The following ERP44 variants were observed in gnomAD, a reference collection of about 807,000 sequenced individuals.
ERP44 encodes endoplasmic reticulum resident protein 44.
In ERP44, 25 loss-of-function variants were observed where a neutral mutation model predicts 53.4. The observed-to-expected ratio is 0.47, with a 90% CI of 0.34 to 0.65. The LOEUF (loss-of-function observed/expected upper bound fraction) is 0.65. Ranked by LOEUF, ERP44 falls within the 30% of genes least tolerant of loss-of-function variation. The probability of loss-of-function intolerance (pLI) is 0.01; values close to 1 mark genes in which losing one functional copy is unlikely to be tolerated. For synonymous variants in ERP44, 145 were observed against 161.2 expected, an observed-to-expected ratio of 0.90 and a Z score of 0.76; for missense variants, 338 against 493.2, an observed-to-expected ratio of 0.69 and a Z score of 2.98.
At chr9:100,082,108 CA>C (rs1826433685) in intron 1 of ERP44, among the ~76,000 whole-genome samples, 1 of 151,632 alleles carries the variant, frequency 6.6e-6, no homozygotes, top group Admixed American at 6.6e-5. Context: ...TGTAAAAAAG[CA>C]AAAAAACTTT....
At chr9:100,021,924 C>T (rs1273480132) in intron 5 of ERP44, 118 bp downstream of exon 5, 22 of 862,124 alleles carry the variant, frequency 2.6e-5, no homozygotes, top group Admixed American at 2.4e-4. Context: ...ATTAAGTATA[C>T]GTATGTCAAA....
rs1830153959 is a variant in ERP44, at chr9:99,982,095, A to G, written c.*517T>C. 1 of 152,648 alleles carries G rather than the reference A, an allele frequency of 6.6e-6. No homozygotes were observed. The highest frequency in any genetic ancestry group is 2.4e-5 in the African/African-American group (1 of 41,456). The allele number at this position is 152,648 out of a possible 1,614,324, so 9.5% of individuals were successfully genotyped here. The stretch of plus-strand genomic sequence containing the variant: ...GAATCCAAAAAAATACCACTATGGA[A>G]TTTTCATAAGCAATATCCAACCAAT... On this transcript the variant is annotated 3_prime_UTR_variant, in exon 12 of 12. Coordinates refer to ENST00000262455, the MANE Select transcript of ERP44 (RefSeq NM_015051.3).
At chr9:100,023,640 TC>T (rs1830620495) in intron 4 of ERP44, among the ~76,000 whole-genome samples, 1 of 151,706 alleles carries the variant, frequency 6.6e-6, no homozygotes, top group African/African-American at 2.4e-5. Context: ...AGAGATGAGG[TC>T]TCACTATGTT....
At chr9:100,010,257 T>A (rs533438319) in intron 8 of ERP44, among the ~76,000 whole-genome samples, 90 of 152,308 alleles carry the variant, frequency 5.9e-4, no homozygotes, top group African/African-American at 2.0e-3. Flanking sequence ...AGGAGAAGAA[T>A]ATCAAGACAA....
At chr9:100,082,734 G>T (rs148002360) in intron 1 of ERP44, among the ~76,000 whole-genome samples, 3 of 139,104 alleles carry the variant, frequency 2.2e-5, no homozygotes, top group Admixed American at 7.6e-5. Context: ...AAACTTGCCA[G>T]ATATGGAGGG....
chr9:100,059,988 G>A lies in ERP44; in HGVS notation c.130+112C>T, dbSNP rs569217543. The A allele has an allele frequency of 1.6e-4, 139 of 877,820 alleles. No homozygotes were observed. The African/African-American group carries it at 2.2e-3, about 14-fold the overall frequency. 54.4% of individuals were successfully genotyped at this position (877,820 alleles called of 1,614,324 possible). On this transcript the variant is annotated intron_variant, in intron 2 of 11. Transcript: ENST00000262455. Reference sequence around the variant, plus strand: ...AGTCATGGAATTAATCAGAATGCCAGCTCTTCATCTGTGCTAGCTAACTGA... The same window carrying A: ...AGTCATGGAATTAATCAGAATGCCAACTCTTCATCTGTGCTAGCTAACTGA...
At position 100,088,963 on chromosome 9, in the gene ERP44, T is replaced by C. The variant is rs150248060; in HGVS notation, c.57+9821A>G. On this transcript the variant is annotated intron_variant, in intron 1 of 11. Coordinates refer to ENST00000262455, the MANE Select transcript of ERP44 (RefSeq NM_015051.3). ...TTTCTGAAACAAATAAGATACATGC[T>C]TTAAAAATGTAGCACAGTCTTTACA... Among the ~76,000 whole-genome samples, 97 of 152,330 alleles carry C rather than the reference T, an allele frequency of 6.4e-4. 2 individuals are homozygous for C. In the East Asian group the frequency reaches 0.017, roughly 27 times the overall value.
Position 100,041,451 on chromosome 9 carries a change from C to T in ERP44, c.286+10966G>A, listed in dbSNP as rs549654867. On this transcript the variant is annotated intron_variant, in intron 4 of 11. Transcript: ENST00000262455. The stretch of plus-strand genomic sequence containing the variant: ...TTGGGAGGCTGAGGCTGGTGGATCA[C>T]GAGATCAAGAGATCGAGACCATCCT... Among the ~76,000 whole-genome samples, 5 of 152,188 alleles carry T rather than the reference C, an allele frequency of 3.3e-5. No individual in the cohort carries two copies. The South Asian group carries it at 8.3e-4, about 25-fold the overall frequency.
intron 4 of ERP44, among the ~76,000 whole-genome samples, chr9:100,037,215 A>G (rs1005224071): frequency 6.6e-6 from 1 of 152,204 alleles, no homozygotes; most frequent in Non-Finnish European, 1.5e-5. Flanking sequence ...CCTTGAACTC[A>G]GGGCTTCCCT....
intron 1 of ERP44, among the ~76,000 whole-genome samples, chr9:100,097,625 T>C (rs995969568): frequency 6.6e-6 from 1 of 152,254 alleles, no homozygotes; most frequent in Non-Finnish European, 1.5e-5. Flanking sequence ...ACAATGTTTA[T>C]ACACAACTTT....
chr9:100,056,070 G>T (rs1310367014), intron 3 of ERP44, among the ~76,000 whole-genome samples: 1 of 152,168 alleles, frequency 6.6e-6, no homozygotes, highest in Non-Finnish European at 1.5e-5. Flanking sequence ...TTTTTCAAAA[G>T]ATCAGCAGCA....
At chr9:100,002,834 CCT>C (rs1358178946) in intron 10 of ERP44, among the ~76,000 whole-genome samples, 43 of 152,164 alleles carry the variant, frequency 2.8e-4, no homozygotes, top group African/African-American at 9.9e-4. Context: ...CTTTGACTTT[CCT>C]GTACCTAGAT....
At chr9:100,083,618 G>A (rs1826450347) in intron 1 of ERP44, among the ~76,000 whole-genome samples, 1 of 152,156 alleles carries the variant, frequency 6.6e-6, no homozygotes. Context: ...CCTTGCTCCA[G>A]TCAATGGGAA....
chr9:100,022,275 G>C, intron 4 of ERP44, 49 bp from the exon 5 acceptor site: 1 of 1,445,064 alleles, frequency 6.9e-7, no homozygotes. Flanking sequence ...GTCAGGGCAA[G>C]CCTGTTTGCC....
chr9:100,057,867 T>C lies in ERP44; in HGVS notation c.131-8A>G, dbSNP rs1372790229. 2.5e-6 allele frequency: 4 copies of C among 1,582,392 alleles called. No homozygotes were observed. On this transcript the variant is annotated splice_polypyrimidine_tract_variant and splice_region_variant and intron_variant, in intron 2 of 11. Transcript: ENST00000262455. ...AAGCAACATCAGCATTGTCTGAAATTGAAAGACAAAACCAAATAAGATATT... is the reference window on the plus strand; with the variant it reads ...AAGCAACATCAGCATTGTCTGAAATCGAAAGACAAAACCAAATAAGATATT...
intron 10 of ERP44, 60 bp from the exon 11 acceptor site, chr9:99,985,129 A>G (rs940731400): frequency 3.9e-5 from 45 of 1,153,082 alleles, no homozygotes; most frequent in Non-Finnish European, 5.7e-5. Context: ...TATTTTACCA[A>G]CTTCACAGTA....
At chr9:100,039,582 C>T (rs967036767) in intron 4 of ERP44, among the ~76,000 whole-genome samples, 2 of 151,744 alleles carry the variant, frequency 1.3e-5, no homozygotes, top group African/African-American at 4.8e-5. Flanking sequence ...GAAAAAACTT[C>T]CAATAAATAA....
intron 1 of ERP44, among the ~76,000 whole-genome samples, chr9:100,094,473 C>T (rs1235084635): frequency 1.3e-5 from 2 of 152,016 alleles, no homozygotes; most frequent in African/African-American, 4.8e-5. Flanking sequence ...GCCTGGCCAA[C>T]ATGGTGAAAC....
In ERP44 at chr9:100,098,877, CGGCTGGGACTG is replaced by C. The variant is rs765426375; in HGVS notation, c.-48_-38del. On this transcript the variant is annotated 5_prime_UTR_variant, in exon 1 of 12. Transcript: ENST00000262455. The stretch of plus-strand genomic sequence containing the variant: ...GGTCCGTGACAGGGACAGGCGCTGG[CGGCTGGGACTG>C]GGCTAGGTTGGGTTGGGTTAGGAAA... 5.7e-6 allele frequency: 9 copies of C among 1,590,470 alleles called. No individual in the cohort carries two copies. The highest frequency in any genetic ancestry group is 6.9e-6 in the Non-Finnish European group (8 of 1,159,850).
Sources: allele counts gnomAD v4.1 joint callset (sites outside exome capture counted in the v4.1 genomes callset), GRCh38; gene constraint gnomAD v4.1.1; transcripts MANE v1.5; gene names NCBI Gene and HGNC (gene_info 2026-07-23, HGNC 2026-07-21).